The following CNOT6L variants were observed in gnomAD, a reference collection of about 807,000 sequenced individuals.
The protein encoded by CNOT6L is CCR4-NOT transcription complex subunit 6-like.
A neutral mutation model predicts 64.0 loss-of-function variants in CNOT6L; 7 were observed. The ratio of observed to expected loss-of-function variants is 0.11; its 90% CI spans 0.06 to 0.21. The LOEUF is 0.21. Ranked by LOEUF, CNOT6L falls within the 10% of genes least tolerant of loss-of-function variation. The pLI, the probability that CNOT6L is intolerant of heterozygous loss-of-function variation, is 1.00. For synonymous variants in CNOT6L, 193 were observed against 243.4 expected (o/e 0.79, Z 1.93); for missense variants, 245 against 669.0 (o/e 0.37, Z 6.99).
chr4:77,734,549 A>T (rs1429773807), intron 8 of CNOT6L, among the ~76,000 whole-genome samples: 1 of 152,170 alleles, frequency 6.6e-6, no homozygotes, highest in Non-Finnish European at 1.5e-5. Context: ...GAACATTGCT[A>T]CATATATTTT....
chr4:77,819,830 G>C (rs1734094152), upstream of CNOT6L, among the ~76,000 whole-genome samples: 1 of 151,622 alleles, frequency 6.6e-6, no homozygotes, highest in Admixed American at 6.6e-5. Flanking sequence ...CGGCTGAAGG[G>C]AGCGAGGAGA....
intron 7 of CNOT6L, among the ~76,000 whole-genome samples, chr4:77,743,004 A>T (rs1344130504): frequency 1.3e-5 from 2 of 152,188 alleles, no homozygotes; most frequent in Non-Finnish European, 2.9e-5. Context: ...ACATCAATAT[A>T]CGTTCATATA....
intron 4 of CNOT6L, among the ~76,000 whole-genome samples, chr4:77,766,614 C>T (rs897231065): frequency 1.3e-5 from 2 of 150,796 alleles, no homozygotes; most frequent in Admixed American, 6.6e-5. Context: ...AATTTGCAGA[C>T]AAGTTTTTAG....
intron 1 of CNOT6L, among the ~76,000 whole-genome samples, chr4:77,779,033 C>CGAGACTCTG (rs1296416338): frequency 5.2e-5 from 6 of 114,454 alleles, no homozygotes; most frequent in Admixed American, 3.6e-4. Context: ...GGTGACAGAG[C>CGAGACTCTG]GAGACTCTGT....
At chr4:77,759,907 A>G (rs540851683) in intron 4 of CNOT6L, among the ~76,000 whole-genome samples, 2 of 152,232 alleles carry the variant, frequency 1.3e-5, no homozygotes, top group East Asian at 3.8e-4. Flanking sequence ...GCCAGAAAAC[A>G]AACTGTAACA....
chr4:77,751,395 G>A (rs1027474374), intron 5 of CNOT6L, among the ~76,000 whole-genome samples: 5 of 152,044 alleles, frequency 3.3e-5, no homozygotes, highest in African/African-American at 1.2e-4. Flanking sequence ...AAAACCTGTG[G>A]AACTATAATT....
At chr4:77,802,800 G>T (rs1358509723) in intron 1 of CNOT6L, among the ~76,000 whole-genome samples, 2 of 152,214 alleles carry the variant, frequency 1.3e-5, no homozygotes, top group Non-Finnish European at 2.9e-5. Context: ...CTCACAGCTA[G>T]TAAGTGGCTA....
intron 1 of CNOT6L, among the ~76,000 whole-genome samples, chr4:77,799,566 G>A (rs1211482706): frequency 9.2e-5 from 14 of 152,066 alleles, no homozygotes; most frequent in Admixed American, 7.9e-4. Context: ...TTAGCTGGGC[G>A]TGGTGGTGGG....
At chr4:77,760,898 G>A (rs1203737671) in intron 4 of CNOT6L, among the ~76,000 whole-genome samples, 1 of 42,098 alleles carries the variant, frequency 2.4e-5, no homozygotes, top group African/African-American at 8.3e-5. Flanking sequence ...TTTTTTTTAA[G>A]GAAGAGACAG....
At chr4:77,789,603 T>A (rs1729869209) in intron 1 of CNOT6L, among the ~76,000 whole-genome samples, 1 of 150,844 alleles carries the variant, frequency 6.6e-6, no homozygotes, top group South Asian at 2.1e-4. Context: ...AAGGCTGCAG[T>A]GAGCCATGAT....
In CNOT6L at chr4:77,774,734, G is replaced by T. The variant is rs1056588454; in HGVS notation, c.128-18C>A. The stretch of plus-strand genomic sequence containing the variant: ...CACTCTACCTAAAAGGCAAAATACT[G>T]AAGTGTAAAAAAAAACCCCAGGCCC... On this transcript the variant is annotated intron_variant, in intron 2 of 11. Coordinates refer to ENST00000504123, the MANE Select transcript of CNOT6L (RefSeq NM_144571.3). 2 of 1,490,914 alleles carry T rather than the reference G, an allele frequency of 1.3e-6. No homozygotes were observed. Among genetic ancestry groups the T allele is most frequent in the Non-Finnish European group, 1.8e-6 (2 of 1,119,382 alleles). 92.4% of individuals were successfully genotyped at this position (1,490,914 alleles called of 1,614,324 possible).
intron 1 of CNOT6L, among the ~76,000 whole-genome samples, chr4:77,777,224 TC>T (rs1209578542): frequency 6.6e-6 from 1 of 152,212 alleles, no homozygotes; most frequent in Non-Finnish European, 1.5e-5. Context: ...ATTATTATCA[TC>T]CCTTTTCATG....
At chr4:77,781,697 T>C (rs1560421757) in intron 1 of CNOT6L, among the ~76,000 whole-genome samples, 2 of 116,856 alleles carry the variant, frequency 1.7e-5, no homozygotes, top group Non-Finnish European at 3.5e-5. Context: ...CTGTAAATAC[T>C]GGTCATCTAA....
At chr4:77,759,336 C>T (rs1002478053) in intron 4 of CNOT6L, among the ~76,000 whole-genome samples, 28 of 151,586 alleles carry the variant, frequency 1.8e-4, no homozygotes, top group Admixed American at 1.8e-3. Context: ...GAGGCCGAGG[C>T]GGGTGGATCA....
chr4:77,724,519 A>G (rs1282168701), intron 11 of CNOT6L, among the ~76,000 whole-genome samples: 3 of 151,822 alleles, frequency 2.0e-5, no homozygotes, highest in African/African-American at 7.3e-5. Context: ...GTGTGCCTGT[A>G]GTCCTCGCTA....
At position 77,718,979 on chromosome 4, in the gene CNOT6L, A is replaced by G. The variant is rs1176041780; in HGVS notation, c.*1452T>C. ...TTTATTAAAAATATCACATTTTGAG[A>G]CTAGAAACAGTAAAGTGCATGAAAA... is the stretch of plus-strand genomic sequence containing the variant. On this transcript the variant is annotated 3_prime_UTR_variant, in exon 12 of 12. Coordinates refer to ENST00000504123, the MANE Select transcript of CNOT6L (RefSeq NM_144571.3). 6.6e-6 allele frequency: 1 copy of G among 152,562 alleles called. No individual in the cohort carries two copies. Among genetic ancestry groups the G allele is most frequent in the Non-Finnish European group, 1.5e-5 (1 of 68,018 alleles). 9.5% of individuals were successfully genotyped at this position (152,562 alleles called of 1,614,324 possible). A position where few individuals can be genotyped will look rare whatever the true frequency, so the allele number is the denominator to read the frequency against.
rs1490114224 is a variant in CNOT6L, at chr4:77,717,538, T to C, written c.*2893A>G. 3 of 152,396 alleles carry C rather than the reference T, an allele frequency of 2.0e-5. No individual in the cohort carries two copies. Among genetic ancestry groups the C allele is most frequent in the South Asian group, 4.1e-4 (2 of 4,826 alleles). 9.4% of individuals were successfully genotyped at this position (152,396 alleles called of 1,614,324 possible). On this transcript the variant is annotated 3_prime_UTR_variant, in exon 12 of 12. Transcript: ENST00000504123. ...TGCAGCAGCCCAATGGCATAAAGCT[T>C]AACTCATTCTGATAACTAGAAAGTA...
At chr4:77,727,428 G>A (rs532429352) in intron 10 of CNOT6L, among the ~76,000 whole-genome samples, 4 of 151,942 alleles carry the variant, frequency 2.6e-5, no homozygotes, top group South Asian at 2.1e-4. Flanking sequence ...TTAGCTGGGC[G>A]TGGTGGCATG....
intron 4 of CNOT6L, among the ~76,000 whole-genome samples, chr4:77,768,474 A>ATATATATATATATATATATATAT (rs1727124850): frequency 3.8e-4 from 5 of 13,118 alleles, no homozygotes; most frequent in Non-Finnish European, 9.5e-4. Flanking sequence ...AAAATAAATA[A>ATATATATATATATATATATATAT]ATATATATAT....
Sources: gnomAD v4.1 joint callset for allele counts (sites outside exome capture counted in the v4.1 genomes callset) on GRCh38, gnomAD v4.1.1 for gene constraint, MANE v1.5 for transcripts, NCBI Gene and HGNC (gene_info 2026-07-23, HGNC 2026-07-21) for gene names.